RCOR1: variants seen among roughly 807,000 people sequenced by gnomAD.
RCOR1 encodes REST corepressor 1, also known as REST corepressor.
A neutral mutation model predicts 64.0 loss-of-function variants in RCOR1; 12 were observed. The ratio of observed to expected loss-of-function variants is 0.19; its 90% CI spans 0.12 to 0.30. The LOEUF is 0.30. Ranked by LOEUF, RCOR1 falls within the 10% of genes least tolerant of loss-of-function variation. The probability of loss-of-function intolerance (pLI) is 1.00; values close to 1 mark genes in which losing one functional copy is unlikely to be tolerated. For synonymous variants in RCOR1, 279 were observed against 227.2 expected, an observed-to-expected ratio of 1.23 and a Z score of -2.05; for missense variants, 502 against 621.2, an observed-to-expected ratio of 0.81 and a Z score of 2.04.
In RCOR1 at chr14:102,721,405, A is replaced by C. The variant is rs777192481; in HGVS notation, c.1189+28A>C. 11 of 1,584,570 alleles carry C rather than the reference A, an allele frequency of 6.9e-6. No individual in the cohort carries two copies. In the South Asian group the frequency reaches 1.2e-4, roughly 18 times the overall value. The stretch of plus-strand genomic sequence containing the variant: ...AGGGGGAAGTTCTTCTAAAGAGTTT[A>C]GGAGGCCGGCTGTGGTGGCTCACAC... On this transcript the variant is annotated intron_variant, in intron 10 of 11. Coordinates refer to ENST00000262241, the MANE Select transcript of RCOR1 (RefSeq NM_015156.4).
At chr14:102,654,844 C>T (rs1356021667) in intron 2 of RCOR1, among the ~76,000 whole-genome samples, 2 of 119,084 alleles carry the variant, frequency 1.7e-5, no homozygotes, top group African/African-American at 6.8e-5. Context: ...AAGATCTCTT[C>T]GTCACCTAGG....
Position 102,593,202 on chromosome 14 carries a change from C to CCCCCGCGGCCCCGGG in RCOR1, c.301+23_301+37dup, listed in dbSNP as rs1222025789. On this transcript the variant is annotated intron_variant, in intron 1 of 11. Transcript: ENST00000262241. ...CGAGGAGCACGGTAGGTGGCAGCCG[C>CCCCCGCGGCCCCGGG]CCCCGCGGCCCCGGGCCCCGCGCCC... The CCCCCGCGGCCCCGGG allele has an allele frequency of 8.8e-6, 13 of 1,477,656 alleles. No individual in the cohort carries two copies. Among genetic ancestry groups the CCCCCGCGGCCCCGGG allele is most frequent in the Non-Finnish European group, 1.2e-5 (13 of 1,119,472 alleles). The allele number at this position is 1,477,656 out of a possible 1,614,324, so 91.5% of individuals were successfully genotyped here.
intron 7 of RCOR1, among the ~76,000 whole-genome samples, chr14:102,712,981 G>A (rs1186729844): frequency 8.4e-6 from 1 of 119,344 alleles, no homozygotes; most frequent in Non-Finnish European, 1.6e-5. Context: ...TGGAGATGGA[G>A]TCTTGCTCTG....
chr14:102,660,406 A>AT (rs1399042102), intron 2 of RCOR1, among the ~76,000 whole-genome samples: 3 of 148,044 alleles, frequency 2.0e-5, no homozygotes, highest in Non-Finnish European at 4.5e-5. Context: ...CTTTTTTGAG[A>AT]TGGGGTCTCA....
At chr14:102,708,409 T>A in intron 5 of RCOR1, 56 bp from the exon 6 acceptor site, 1 of 1,080,604 alleles carries the variant, frequency 9.3e-7, no homozygotes. Context: ...CTTAAACATT[T>A]GATTTTTAAA....
At position 102,596,875 on chromosome 14, in the gene RCOR1, C is replaced by CT. The variant is rs61687380; in HGVS notation, c.361+3565dup. On this transcript the variant is annotated intron_variant, in intron 2 of 11. Coordinates refer to ENST00000262241, the MANE Select transcript of RCOR1 (RefSeq NM_015156.4). ...CCACTGTGACTGCCCCTCCCCCCGC[C>CT]TTTTTTTTTTTTTTTGAGACGGAGT... is the stretch of plus-strand genomic sequence containing the variant. 8.1e-3 allele frequency among the ~76,000 whole-genome samples: 939 copies of CT among 115,376 alleles called. 5 individuals carry two copies. Among genetic ancestry groups the CT allele is most frequent in the East Asian group, 0.018 (66 of 3,684 alleles). The allele number at this position is 115,376 out of a possible 152,430, so 75.7% of individuals were successfully genotyped here.
chr14:102,596,866 TC>T (rs1595186739), intron 2 of RCOR1, among the ~76,000 whole-genome samples: 2 of 117,098 alleles, frequency 1.7e-5, no homozygotes, highest in Admixed American at 9.1e-5. Flanking sequence ...TGACTGCCCC[TC>T]CCCCCGCCTT....
chr14:102,654,310 A>C (rs1894677327), intron 2 of RCOR1, among the ~76,000 whole-genome samples: 1 of 152,002 alleles, frequency 6.6e-6, no homozygotes, highest in African/African-American at 2.4e-5. Context: ...TAGCAGTGTG[A>C]GAACAGACTA....
In RCOR1 at chr14:102,729,248, A is replaced by G. The variant is rs1208610064; in HGVS notation, c.*2742A>G. ...TGCATATGCATTAAAAGTTTGTTTT[A>G]TTTAATTTTATGTAGATGTGTGAAG... is the stretch of plus-strand genomic sequence containing the variant. On this transcript the variant is annotated 3_prime_UTR_variant, in exon 12 of 12. Coordinates refer to ENST00000262241, the MANE Select transcript of RCOR1 (RefSeq NM_015156.4). 2.0e-5 allele frequency: 3 copies of G among 152,586 alleles called. No individual in the cohort carries two copies. Among genetic ancestry groups the G allele is most frequent in the African/African-American group, 7.2e-5 (3 of 41,460 alleles). 9.5% of individuals were successfully genotyped at this position (152,586 alleles called of 1,614,324 possible).
At chr14:102,721,240 A>T (rs1896163246) in intron 9 of RCOR1, 80 bp from the exon 10 acceptor site, 1 of 1,334,626 alleles carries the variant, frequency 7.5e-7, no homozygotes. Flanking sequence ...CGATAAGAGA[A>T]AATGAAAGGT....
intron 2 of RCOR1, among the ~76,000 whole-genome samples, chr14:102,632,359 A>G (rs1192310432): frequency 1.3e-5 from 2 of 151,290 alleles, no homozygotes; most frequent in Non-Finnish European, 2.9e-5. Flanking sequence ...CTGGGACTAC[A>G]GGCCCCCACC....
intron 2 of RCOR1, among the ~76,000 whole-genome samples, chr14:102,673,615 G>A (rs910669259): frequency 6.0e-5 from 9 of 150,112 alleles, no homozygotes; most frequent in Admixed American, 2.7e-4. Flanking sequence ...GATTACAGGC[G>A]TGAGCCATGG....
intron 2 of RCOR1, among the ~76,000 whole-genome samples, chr14:102,618,462 G>A (rs1893807949): frequency 6.6e-6 from 1 of 151,994 alleles, no homozygotes; most frequent in South Asian, 2.1e-4. Flanking sequence ...GAAAAAAAAA[G>A]CGCTGGGCAT....
At chr14:102,632,689 TC>T (rs1894146218) in intron 2 of RCOR1, among the ~76,000 whole-genome samples, 1 of 121,876 alleles carries the variant, frequency 8.2e-6, no homozygotes, top group Non-Finnish European at 1.7e-5. Context: ...CTTTTCCTTT[TC>T]CTTTTCCTTT....
intron 2 of RCOR1, among the ~76,000 whole-genome samples, chr14:102,633,122 C>A (rs927204760): frequency 6.6e-6 from 1 of 151,828 alleles, no homozygotes; most frequent in African/African-American, 2.4e-5. Flanking sequence ...CTGTTTTCAA[C>A]CTATATGCTG....
chr14:102,700,091 A>T (rs74084129), intron 3 of RCOR1, among the ~76,000 whole-genome samples: 2 of 152,212 alleles, frequency 1.3e-5, no homozygotes, highest in African/African-American at 2.4e-5. Context: ...TAGTTTGTTC[A>T]TTATTCAACC....
intron 2 of RCOR1, among the ~76,000 whole-genome samples, chr14:102,612,498 CTG>C (rs1893651859): frequency 6.6e-6 from 1 of 151,938 alleles, no homozygotes; most frequent in African/African-American, 2.4e-5. Flanking sequence ...CACGCCCGGT[CTG>C]ATTTTTGTAT....
At chr14:102,683,402 G>A (rs1000730571) in intron 3 of RCOR1, among the ~76,000 whole-genome samples, 4 of 152,086 alleles carry the variant, frequency 2.6e-5, no homozygotes, top group Non-Finnish European at 4.4e-5. Flanking sequence ...GAAAAGAACC[G>A]GCCAGAAAAA....
chr14:102,621,715 G>C lies in RCOR1; in HGVS notation c.361+28390G>C, dbSNP rs78803591. Among the ~76,000 whole-genome samples, 4 of 34,328 alleles carry C rather than the reference G, an allele frequency of 1.2e-4. 1 individual carries two copies. In the South Asian group the frequency reaches 9.3e-3, roughly 79 times the overall value. 22.5% of individuals were successfully genotyped at this position (34,328 alleles called of 152,430 possible). On this transcript the variant is annotated intron_variant, in intron 2 of 11. Coordinates refer to ENST00000262241, the MANE Select transcript of RCOR1 (RefSeq NM_015156.4). The stretch of plus-strand genomic sequence containing the variant: ...TGGCACGAAATAAAATCACTTAAAT[G>C]AATGAATGAGTGAAATACAAAGGCG...
Sources: gnomAD v4.1 joint callset for allele counts (sites outside exome capture counted in the v4.1 genomes callset) on GRCh38, gnomAD v4.1.1 for gene constraint, MANE v1.5 for transcripts, NCBI Gene and HGNC (gene_info 2026-07-23, HGNC 2026-07-21) for gene names.